BASP1: variants seen among roughly 807,000 people sequenced by gnomAD.
BASP1 encodes brain abundant membrane attached signal protein 1, also known as brain acid soluble protein 1.
BASP1 carries 1 observed loss-of-function variant against 2.2 expected under a neutral mutation model. The observed-to-expected ratio is 0.46, with a 90% CI of 0.16 to 2.17. The LOEUF is 2.17. Among genes scored for constraint, BASP1 ranks in the 30% most tolerant of loss-of-function variants. The probability of loss-of-function intolerance (pLI) is 0.27; values close to 1 mark genes in which losing one functional copy is unlikely to be tolerated. For missense variants in BASP1, 352 were observed against 327.2 expected (o/e 1.08, Z -0.58); for synonymous variants, 187 against 154.2 (o/e 1.21, Z -1.58).
chr5:17,261,108 A>G (rs577100168), intron 1 of BASP1, among the ~76,000 whole-genome samples: 88 of 152,382 alleles, frequency 5.8e-4, no homozygotes, highest in Non-Finnish European at 1.2e-3. Context: ...TGGTTTATCT[A>G]AAGACCAAGA....
chr5:17,258,017 A>G (rs1740247972), intron 1 of BASP1, among the ~76,000 whole-genome samples: 1 of 152,146 alleles, frequency 6.6e-6, no homozygotes, highest in Non-Finnish European at 1.5e-5. Flanking sequence ...TTTTCCATAC[A>G]GGCTGCTTAT....
At chr5:17,258,417 G>A (rs1235038080) in intron 1 of BASP1, among the ~76,000 whole-genome samples, 2 of 152,158 alleles carry the variant, frequency 1.3e-5, no homozygotes, top group South Asian at 2.1e-4. Context: ...TTGTTTTGGT[G>A]TTACCTGGTC....
chr5:17,221,785 C>T (rs552674991), intron 1 of BASP1, among the ~76,000 whole-genome samples: 1 of 152,068 alleles, frequency 6.6e-6, no homozygotes, highest in South Asian at 2.1e-4. Context: ...TGTGAGGTTG[C>T]AAATAGAATA....
intron 1 of BASP1, among the ~76,000 whole-genome samples, chr5:17,263,144 G>A (rs1385226208): frequency 6.6e-6 from 1 of 151,600 alleles, no homozygotes; most frequent in Non-Finnish European, 1.5e-5. Context: ...ACTGCACCCA[G>A]CCCTAATCAA....
chr5:17,243,162 T>A (rs1739904437), intron 1 of BASP1, among the ~76,000 whole-genome samples: 1 of 152,014 alleles, frequency 6.6e-6, no homozygotes, highest in African/African-American at 2.4e-5. Context: ...CTTTTTTTTT[T>A]TTTTAAGAGG....
chr5:17,266,526 G>A (rs1193256445), intron 1 of BASP1, among the ~76,000 whole-genome samples: 1 of 152,102 alleles, frequency 6.6e-6, no homozygotes, highest in African/African-American at 2.4e-5. Context: ...TATATCTGGG[G>A]TGGGGCATGG....
intron 1 of BASP1, among the ~76,000 whole-genome samples, chr5:17,237,468 C>G (rs994029351): frequency 2.6e-5 from 4 of 152,202 alleles, no homozygotes; most frequent in African/African-American, 9.6e-5. Context: ...AGAACCTGTT[C>G]TTAACATTAG....
chr5:17,269,270 A>T (rs1009656909), intron 1 of BASP1, among the ~76,000 whole-genome samples: 2 of 152,232 alleles, frequency 1.3e-5, no homozygotes, highest in South Asian at 4.1e-4. Flanking sequence ...CTGCCAATAA[A>T]CGAAAGAAAG....
intron 1 of BASP1, among the ~76,000 whole-genome samples, chr5:17,268,803 CA>C (rs1740477571): frequency 6.6e-6 from 1 of 152,112 alleles, no homozygotes; most frequent in Admixed American, 6.6e-5. Flanking sequence ...AAGAAATTTT[CA>C]TATTAAATTT....
At chr5:17,239,259 A>G (rs1739810194) in intron 1 of BASP1, among the ~76,000 whole-genome samples, 1 of 151,930 alleles carries the variant, frequency 6.6e-6, no homozygotes, top group South Asian at 2.1e-4. Context: ...ATATCTGGCT[A>G]ATTTTTTGTA....
chr5:17,237,959 G>A (rs913269423), intron 1 of BASP1, among the ~76,000 whole-genome samples: 2 of 151,998 alleles, frequency 1.3e-5, no homozygotes, highest in Non-Finnish European at 2.9e-5. Flanking sequence ...CTCAGTGTTC[G>A]CCAAGCATGT....
chr5:17,249,046 A>G (rs566634887), intron 1 of BASP1, among the ~76,000 whole-genome samples: 3 of 152,296 alleles, frequency 2.0e-5, no homozygotes, highest in African/African-American at 7.2e-5. Context: ...TCCTGTAGAC[A>G]AACACTTATT....
intron 1 of BASP1, among the ~76,000 whole-genome samples, chr5:17,271,364 C>T (rs1207589379): frequency 6.6e-6 from 1 of 152,136 alleles, no homozygotes; most frequent in Non-Finnish European, 1.5e-5. Context: ...TCAAGTGATC[C>T]ACCCACCTCG....
intron 1 of BASP1, among the ~76,000 whole-genome samples, chr5:17,253,022 G>A (rs974303958): frequency 2.0e-5 from 3 of 152,120 alleles, no homozygotes; most frequent in Admixed American, 1.3e-4. Flanking sequence ...ACTTCAGGTA[G>A]CCCAGTATAC....
intron 1 of BASP1, among the ~76,000 whole-genome samples, chr5:17,222,460 C>T (rs530016661): frequency 2.0e-5 from 3 of 152,298 alleles, no homozygotes; most frequent in African/African-American, 4.8e-5. Context: ...TTGAGGCAGA[C>T]GTCTAGGTAA....
In BASP1 at chr5:17,251,541, CTT is replaced by C. The variant is rs1306315348; in HGVS notation, c.-9-23665_-9-23664del. Reference sequence around the variant, plus strand: ...AAACAGCGGCTGGAGCTCCAACTGTCTTTGTCTAGCAGCAGGAGGAGGTAGGG... The same window carrying C: ...AAACAGCGGCTGGAGCTCCAACTGTCTGTCTAGCAGCAGGAGGAGGTAGGG... On this transcript the variant is annotated intron_variant, in intron 1 of 1. Coordinates refer to ENST00000322611, the MANE Select transcript of BASP1 (RefSeq NM_006317.5). This position sits in a 1 kb window ranked among gnomAD's most constrained non-coding sequence, Gnocchi z 4.0. Among the ~76,000 whole-genome samples, 12 of 152,200 alleles carry C rather than the reference CTT, an allele frequency of 7.9e-5. No homozygotes were observed. Among genetic ancestry groups the C allele is most frequent in the African/African-American group, 2.9e-4 (12 of 41,452 alleles).
upstream of BASP1, among the ~76,000 whole-genome samples, chr5:17,217,372 A>T (rs1370502933): frequency 2.3e-4 from 7 of 30,772 alleles, no homozygotes; most frequent in Non-Finnish European, 5.7e-5. Flanking sequence ...GGGCGTGTCC[A>T]GGCTGGAGGG....
intron 1 of BASP1, among the ~76,000 whole-genome samples, chr5:17,270,246 C>T (rs1476715929): frequency 1.3e-5 from 2 of 152,168 alleles, no homozygotes; most frequent in East Asian, 1.9e-4. Flanking sequence ...ATGATCTGCC[C>T]GCCTCGGCCT....
chr5:17,268,426 G>A (rs895694327), intron 1 of BASP1, among the ~76,000 whole-genome samples: 10 of 152,214 alleles, frequency 6.6e-5, no homozygotes, highest in African/African-American at 2.4e-4. Flanking sequence ...TATTAGGAAA[G>A]TTCTGGATGA....
Sources: gnomAD v4.1 joint callset for allele counts (sites outside exome capture counted in the v4.1 genomes callset) on GRCh38, gnomAD v4.1.1 for gene constraint, Gnocchi (gnomAD v3.1) non-coding constraint, MANE v1.5 for transcripts, NCBI Gene and HGNC (gene_info 2026-07-23, HGNC 2026-07-21) for gene names.